TMEM132C: variants seen among roughly 807,000 people sequenced by gnomAD.
TMEM132C encodes the protein protein phosphatase 1, regulatory subunit 152.
In TMEM132C, 29 loss-of-function variants were observed where a neutral mutation model predicts 61.4. The ratio of observed to expected loss-of-function variants is 0.47; its 90% CI spans 0.35 to 0.64. The LOEUF (loss-of-function observed/expected upper bound fraction) is 0.64. TMEM132C is among the 30% of genes least tolerant of loss of function. The pLI is 0.00. For synonymous variants in TMEM132C, 656 were observed against 633.1 expected (o/e 1.04, Z -0.54); for missense variants, 1,408 against 1,476.9 (o/e 0.95, Z 0.76).
At chr12:128,474,953 G>A (rs748232320) in intron 2 of TMEM132C, among the ~76,000 whole-genome samples, 3 of 152,100 alleles carry the variant, frequency 2.0e-5, no homozygotes, top group Non-Finnish European at 4.4e-5. Context: ...GCCCCCTTTG[G>A]AATACTTCTT....
Position 128,273,340 on chromosome 12 carries a change from A to G in TMEM132C, c.85+5853A>G, listed in dbSNP as rs547485138. On this transcript the variant is annotated intron_variant, in intron 1 of 8. Coordinates refer to ENST00000435159, the MANE Select transcript of TMEM132C (RefSeq NM_001136103.3). ...TATTTCTTGTTCTAAAATCTATTTT[A>G]TCTGATATTAATATAGCCACCTCAG... Among the ~76,000 whole-genome samples the G allele has an allele frequency of 8.6e-4, 131 of 152,224 alleles. 1 individual carries two copies. In the South Asian group the frequency reaches 0.025, roughly 29 times the overall value.
intron 1 of TMEM132C, among the ~76,000 whole-genome samples, chr12:128,295,053 AT>A (rs1871363396): frequency 6.8e-6 from 1 of 146,270 alleles, no homozygotes; most frequent in South Asian, 2.3e-4. Flanking sequence ...AAAAAAAAAA[AT>A]TAAAAAATTG....
chr12:128,635,462 C>CTT (rs372811916), intron 4 of TMEM132C, among the ~76,000 whole-genome samples: 11,183 of 130,288 alleles, frequency 0.086, 474 homozygotes, highest in African/African-American at 0.1. Flanking sequence ...TGAGTTTTTT[C>CTT]TTTTTTTTTT....
intron 1 of TMEM132C, among the ~76,000 whole-genome samples, chr12:128,286,140 G>A (rs961330860): frequency 4.0e-5 from 6 of 149,872 alleles, no homozygotes; most frequent in Non-Finnish European, 5.9e-5. Flanking sequence ...TCACACACAC[G>A]CATGCTTTCA....
At chr12:128,338,695 G>A (rs1316504370) in intron 1 of TMEM132C, among the ~76,000 whole-genome samples, 1 of 150,790 alleles carries the variant, frequency 6.6e-6, no homozygotes, top group African/African-American at 2.5e-5. Context: ...CTATACAGCT[G>A]TCTGATCAGC....
rs61283555 is a variant in TMEM132C, at chr12:128,532,640, C to CAAAAAA, written c.975-11295_975-11290dup. 4.3e-4 allele frequency among the ~76,000 whole-genome samples: 29 copies of CAAAAAA among 67,158 alleles called. 1 individual carries two copies. Among genetic ancestry groups the CAAAAAA allele is most frequent in the Non-Finnish European group, 5.2e-4 (21 of 40,168 alleles). The allele number at this position is 67,158 out of a possible 152,430, so 44.1% of individuals were successfully genotyped here. On this transcript the variant is annotated intron_variant, in intron 2 of 8. Coordinates refer to ENST00000435159, the MANE Select transcript of TMEM132C (RefSeq NM_001136103.3). ...TGGGTGACAGAGTGAGACTCCATCT[C>CAAAAAA]AAAAAAAAAAAAAAAAAAAAAAAAA...
At chr12:128,454,379 G>A (rs929077088) in intron 2 of TMEM132C, among the ~76,000 whole-genome samples, 1 of 152,190 alleles carries the variant, frequency 6.6e-6, no homozygotes, top group Non-Finnish European at 1.5e-5. Context: ...CCATGGATTT[G>A]CTCTTTCTCA....
intron 1 of TMEM132C, among the ~76,000 whole-genome samples, chr12:128,322,617 A>C (rs1872371618): frequency 6.6e-6 from 1 of 152,202 alleles, no homozygotes; most frequent in Admixed American, 6.5e-5. Flanking sequence ...CACTCCTAAG[A>C]GCTCACTTCA....
chr12:128,267,181 C>G lies in TMEM132C; in HGVS notation c.-222C>G, dbSNP rs1870328612. ...CGGAGGCTGCGGGAGAAAAGTTGTC[C>G]CGGCCGGAGCGCGAGCAGCGGCGGA... On this transcript the variant is annotated 5_prime_UTR_variant, in exon 1 of 9. Transcript: ENST00000435159. Among the ~76,000 whole-genome samples, 1 of 146,440 alleles carries G rather than the reference C, an allele frequency of 6.8e-6. No homozygotes were observed. The highest frequency in any genetic ancestry group is 6.8e-5 in the Admixed American group (1 of 14,746).
At chr12:128,452,630 G>A (rs1198832603) in intron 2 of TMEM132C, among the ~76,000 whole-genome samples, 1 of 151,518 alleles carries the variant, frequency 6.6e-6, no homozygotes, top group Admixed American at 6.6e-5. Flanking sequence ...CTTGAACCCG[G>A]GAGGCAGAGA....
intron 3 of TMEM132C, among the ~76,000 whole-genome samples, chr12:128,567,460 ACACACACACACACAC>A (rs1455870956): frequency 6.7e-6 from 1 of 149,058 alleles, no homozygotes; most frequent in East Asian, 1.9e-4. Context: ...ACACACACAC[ACACACACACACACAC>A]AACTGGTAAC....
At position 128,537,387 on chromosome 12, in the gene TMEM132C, G is replaced by C. The variant is rs11059742; in HGVS notation, c.975-6570G>C. On this transcript the variant is annotated intron_variant, in intron 2 of 8. Transcript: ENST00000435159. ...AGCCTAATGGTGCTTAGGGAAGGAG[G>C]GGGGATAAGGAGGTGTATCCAGCCT... Among the ~76,000 whole-genome samples, 20 of 152,072 alleles carry C rather than the reference G, an allele frequency of 1.3e-4. No homozygotes were observed. In the South Asian group the frequency reaches 3.5e-3, roughly 27 times the overall value.
chr12:128,705,933 C>T lies in TMEM132C; in HGVS notation c.2965C>T (p.Pro989Ser). ...CCTGGAGAGCATGGGGGATGCGCCG[C>T]CGCCCCAGGACGAGCACACCACCAT... is the stretch of plus-strand genomic sequence containing the variant. The part of the protein sequence containing the change: ...ELLESMGDAP[P>S]PQDEHTTIID... The change falls in exon 9 of 9, where the codon CCG (proline) becomes TCG (serine). Residue 989 changes from proline (P) to serine (S), a missense_variant. By Grantham distance (74) the Pro-to-Ser change is moderately conservative. Transcript: ENST00000435159. 6.4e-7 allele frequency: 1 copy of T among 1,551,436 alleles called. No homozygotes were observed. The highest frequency in any genetic ancestry group is 8.7e-7 in the Non-Finnish European group (1 of 1,146,942).
intron 3 of TMEM132C, among the ~76,000 whole-genome samples, chr12:128,581,871 A>G (rs926641962): frequency 1.3e-5 from 2 of 152,218 alleles, no homozygotes; most frequent in African/African-American, 4.8e-5. Flanking sequence ...AGGTTGAGAA[A>G]AATTGAGTTG....
chr12:128,515,396 G>C (rs1191929596), intron 2 of TMEM132C, among the ~76,000 whole-genome samples: 1 of 152,202 alleles, frequency 6.6e-6, no homozygotes, highest in Non-Finnish European at 1.5e-5. Context: ...AGTGAGGATG[G>C]CCAAATACAA....
intron 2 of TMEM132C, among the ~76,000 whole-genome samples, chr12:128,494,021 C>G (rs536624396): frequency 2.6e-5 from 4 of 152,096 alleles, no homozygotes; most frequent in African/African-American, 9.7e-5. Flanking sequence ...TGAGATACGT[C>G]GCATCAATAC....
At chr12:128,697,453 G>A (rs1322575194) in intron 8 of TMEM132C, 38 bp downstream of exon 8, 2 of 1,494,388 alleles carry the variant, frequency 1.3e-6, no homozygotes, top group Non-Finnish European at 1.8e-6. Context: ...AGGGAGCAGG[G>A]TCAGCCACTG....
chr12:128,624,543 C>CAAAAAA (rs752979852), intron 4 of TMEM132C, among the ~76,000 whole-genome samples: 3 of 32,870 alleles, frequency 9.1e-5, no homozygotes, highest in Admixed American at 3.1e-4. Context: ...GACTCCATCT[C>CAAAAAA]AAAAAAAAAA....
intron 1 of TMEM132C, among the ~76,000 whole-genome samples, chr12:128,271,136 C>G (rs1489179823): frequency 1.3e-5 from 2 of 151,962 alleles, no homozygotes; most frequent in Admixed American, 6.6e-5. Flanking sequence ...GGCCTCTAAT[C>G]CCAGCTACTC....
Sources: allele counts gnomAD v4.1 joint callset (sites outside exome capture counted in the v4.1 genomes callset), GRCh38; gene constraint gnomAD v4.1.1; transcripts MANE v1.5; gene names NCBI Gene and HGNC (gene_info 2026-07-23, HGNC 2026-07-21).